Variants in NCOA4 observed in about 807,000 individuals in gnomAD.
NCOA4 encodes the protein 70 kDa AR-activator.
A neutral mutation model predicts 69.5 loss-of-function variants in NCOA4; 31 were observed. That is an observed-to-expected ratio of 0.45 (90% CI 0.34 to 0.60). The LOEUF is 0.60. NCOA4 is among the 20% of genes least tolerant of loss of function. NCOA4 has a pLI of 0.02. For synonymous variants in NCOA4, 228 were observed against 252.4 expected (o/e 0.90, Z 0.92); for missense variants, 600 against 719.2 (o/e 0.83, Z 1.90).
chr10:46,020,615 G>A (rs1240700109), intron 1 of NCOA4, among the ~76,000 whole-genome samples: 9 of 152,148 alleles, frequency 5.9e-5, no homozygotes, highest in African/African-American at 1.7e-4. Context: ...GGGTAAGGAG[G>A]TCGTGCTTAT....
chr10:46,008,567 G>A (rs1838992649), intron 9 of NCOA4, among the ~76,000 whole-genome samples: 1 of 152,224 alleles, frequency 6.6e-6, no homozygotes. Context: ...TCTTACGGAT[G>A]AGCAAAGAAA....
At chr10:46,026,513 G>C (rs1840165309) in intron 1 of NCOA4, among the ~76,000 whole-genome samples, 1 of 152,120 alleles carries the variant, frequency 6.6e-6, no homozygotes, top group Non-Finnish European at 1.5e-5. Flanking sequence ...ATAGAGTCAA[G>C]GATAGGAAAA....
intron 1 of NCOA4, chr10:46,027,440 G>A: frequency 6.4e-7 from 1 of 1,551,512 alleles, no homozygotes; most frequent in South Asian, 1.2e-5. Flanking sequence ...ACCAGCTAGA[G>A]CAAAAGTGGT....
intron 2 of NCOA4, among the ~76,000 whole-genome samples, chr10:46,015,513 C>T (rs1347790598): frequency 6.6e-6 from 1 of 152,104 alleles, no homozygotes; most frequent in Non-Finnish European, 1.5e-5. Context: ...CCTATGGACC[C>T]CAATTTAAGA....
Position 46,006,417 on chromosome 10 carries a change from T to C in NCOA4, c.*175A>G, listed in dbSNP as rs1322098281. On this transcript the variant is annotated 3_prime_UTR_variant, in exon 10 of 10. Transcript: ENST00000581486. ...GCATGAATAAACAGCATTTTTCTTT[T>C]AAACAGTAACTCATAATCTGATGAC... The C allele has an allele frequency of 3.0e-6, 2 of 659,934 alleles. No individual in the cohort carries two copies. The highest frequency in any genetic ancestry group is 1.8e-5 in the South Asian group (1 of 55,256). The allele number at this position is 659,934 out of a possible 1,614,324, so 40.9% of individuals were successfully genotyped here.
chr10:46,016,511 A>G, intron 2 of NCOA4, 29 bp downstream of exon 2: 1 of 1,415,766 alleles, frequency 7.1e-7, no homozygotes, highest in Non-Finnish European at 9.4e-7. Flanking sequence ...AAGAGTCCAG[A>G]CAACAGAAGA....
At position 46,015,277 on chromosome 10, in the gene NCOA4, C is replaced by T. The variant is rs781985257; in HGVS notation, c.142-11G>A. 6 of 1,528,220 alleles carry T rather than the reference C, an allele frequency of 3.9e-6. No individual in the cohort carries two copies. In the Admixed American group the frequency reaches 7.2e-5, roughly 18 times the overall value. The allele number at this position is 1,528,220 out of a possible 1,614,324, so 94.7% of individuals were successfully genotyped here. A position where few individuals can be genotyped will look rare whatever the true frequency, so the allele number is the denominator to read the frequency against. On this transcript the variant is annotated splice_polypyrimidine_tract_variant and intron_variant, in intron 2 of 9. Transcript: ENST00000581486. Reference sequence around the variant, plus strand: ...AATCTGAGCTTTGACCTAGGAAACACATACATGTTAGCTTCCTAGTGTTAA... The same window carrying T: ...AATCTGAGCTTTGACCTAGGAAACATATACATGTTAGCTTCCTAGTGTTAA...
At chr10:46,009,157 C>T (rs1554920470) in intron 9 of NCOA4, 4 of 1,550,790 alleles carry the variant, frequency 2.6e-6, no homozygotes, top group African/African-American at 2.7e-5. Context: ...CTAGAATCCA[C>T]ATGGGATCTG....
intron 1 of NCOA4, among the ~76,000 whole-genome samples, chr10:46,022,842 C>T (rs1233153294): frequency 1.3e-5 from 2 of 152,182 alleles, no homozygotes; most frequent in African/African-American, 4.8e-5. Flanking sequence ...TTTTAAATTC[C>T]TTATCAAGAC....
intron 1 of NCOA4, among the ~76,000 whole-genome samples, chr10:46,027,229 C>T (rs1318281545): frequency 7.2e-6 from 1 of 139,520 alleles, no homozygotes; most frequent in Non-Finnish European, 1.5e-5. Context: ...GGAGATCGCC[C>T]ACTGCACTCC....
rs1490372491 is a variant in NCOA4, at chr10:46,014,899, G to A, written c.326C>T (p.Thr109Ile). 1.2e-6 allele frequency: 2 copies of A among 1,613,928 alleles called. No homozygotes were observed. Among genetic ancestry groups the A allele is most frequent in the Non-Finnish European group, 1.7e-6 (2 of 1,180,008 alleles). The change falls in exon 4 of 10, where the codon ACC (threonine) becomes ATC (isoleucine). Residue 109 changes from threonine to isoleucine, a missense_variant. Thr to Ile is a moderately conservative substitution (Grantham distance 89, BLOSUM62 -1). Transcript: ENST00000581486. ...TTGATTGGCTAGATCTTTGTTTTGG[G>A]TACACTCCAGTTGATGAGTAAGACA... ...FNCLTHQLEC[T>I]QNKDLANQVS...
At chr10:46,024,467 CACAGT>C (rs1313340035) in intron 1 of NCOA4, among the ~76,000 whole-genome samples, 1 of 152,222 alleles carries the variant, frequency 6.6e-6, no homozygotes, top group Non-Finnish European at 1.5e-5. Context: ...AACGCCCCAG[CACAGT>C]AAAGTCTTCA....
rs782112016 is a variant in NCOA4, at chr10:46,012,923, T to C, written c.674A>G (p.Gln225Arg). Residue 225 changes from glutamine to arginine, a missense_variant, in exon 7 of 10, where the codon CAG becomes CGG. Gln to Arg is a conservative substitution (Grantham distance 43, BLOSUM62 1). Transcript: ENST00000581486. Reference sequence around the variant, plus strand: ...GGTCTGCTTTTGGGTAAGCCAGTCCTGGGGGTCGGTGCTGGGTATGTAAGG... The same window carrying C: ...GGTCTGCTTTTGGGTAAGCCAGTCCCGGGGGTCGGTGCTGGGTATGTAAGG... Reference protein sequence around the residue: ...QAPYIPSTDPQDWLTQKQTLE... With the variant: ...QAPYIPSTDPRDWLTQKQTLE... 1.9e-6 allele frequency: 3 copies of C among 1,614,126 alleles called. No individual in the cohort carries two copies. In the South Asian group the frequency reaches 3.3e-5, roughly 18 times the overall value.
chr10:46,023,248 ACCCGGCTCCTG>A (rs2132374356), intron 1 of NCOA4: 1 of 982,778 alleles, frequency 1.0e-6, no homozygotes, highest in Non-Finnish European at 1.2e-6. Flanking sequence ...AGCCGCTGCG[ACCCGGCTCCTG>A]CCCGGCGCCA....
intron 1 of NCOA4, among the ~76,000 whole-genome samples, chr10:46,021,335 A>G (rs782107423): frequency 2.0e-5 from 3 of 152,204 alleles, no homozygotes; most frequent in Non-Finnish European, 4.4e-5. Flanking sequence ...TCTCTTTAAT[A>G]TAACACTCTC....
chr10:46,007,191 AGTGGTC>A (rs1838880287), intron 9 of NCOA4, among the ~76,000 whole-genome samples: 1 of 152,230 alleles, frequency 6.6e-6, no homozygotes, highest in Admixed American at 6.5e-5. Context: ...AGAAAGTTTT[AGTGGTC>A]TCTATAGGAG....
intron 8 of NCOA4, among the ~76,000 whole-genome samples, chr10:46,009,841 C>G (rs1223030162): frequency 6.6e-6 from 1 of 152,160 alleles, no homozygotes; most frequent in Non-Finnish European, 1.5e-5. Context: ...AAGGATCTGG[C>G]TGGCCGGTTT....
intron 1 of NCOA4, among the ~76,000 whole-genome samples, chr10:46,024,220 C>CA (rs1225480994): frequency 3.2e-4 from 49 of 151,726 alleles, no homozygotes; most frequent in Admixed American, 3.3e-4. Context: ...CGTAAAGACA[C>CA]AAAAAAAACA....
At chr10:46,013,110 C>T in intron 6 of NCOA4, 84 bp from the exon 7 acceptor site, 2 of 1,375,792 alleles carry the variant, frequency 1.5e-6, no homozygotes, top group Non-Finnish European at 2.0e-6. Context: ...TCTTGGCTTG[C>T]CACTGACCCT....
Sources: allele counts gnomAD v4.1 joint callset (sites outside exome capture counted in the v4.1 genomes callset), GRCh38; gene constraint gnomAD v4.1.1; transcripts MANE v1.5; gene names NCBI Gene and HGNC (gene_info 2026-07-23, HGNC 2026-07-21).